The following CEACAM6 variants were observed in gnomAD, a reference collection of about 807,000 sequenced individuals.
CEACAM6 encodes the protein cell adhesion molecule CEACAM6.
In CEACAM6, 21 loss-of-function variants were observed where a neutral mutation model predicts 32.4. The observed-to-expected ratio is 0.65, with a 90% confidence interval of 0.46 to 0.93. CEACAM6 has a LOEUF of 0.93. Ranked by LOEUF, CEACAM6 falls within the 40% of genes least tolerant of loss-of-function variation. The pLI, the probability that CEACAM6 is intolerant of heterozygous loss-of-function variation, is 0.00. For missense variants in CEACAM6, 406 were observed against 432.2 expected, an observed-to-expected ratio of 0.94 and a Z score of 0.54; for synonymous variants, 184 against 174.4, an observed-to-expected ratio of 1.06 and a Z score of -0.43.
chr19:41,757,015 C>A, intron 2 of CEACAM6, 56 bp downstream of exon 2: 1 of 1,556,172 alleles, frequency 6.4e-7, no homozygotes, highest in South Asian at 1.2e-5. Flanking sequence ...TTCCCACATA[C>A]GGGATTGTCA....
chr19:41,770,103 C>G (rs1555822832), intron 5 of CEACAM6, among the ~76,000 whole-genome samples: 1 of 151,540 alleles, frequency 6.6e-6, no homozygotes, highest in African/African-American at 2.4e-5. Context: ...TAAAAACTTC[C>G]TGTAAAACAA....
intron 5 of CEACAM6, among the ~76,000 whole-genome samples, chr19:41,767,023 A>AG (rs1460947915): frequency 2.0e-5 from 3 of 151,470 alleles, no homozygotes; most frequent in Non-Finnish European, 4.4e-5. Context: ...AAAAAAAAAA[A>AG]AAGAAGCCAA....
At chr19:41,761,650 TC>T in intron 3 of CEACAM6, 123 bp downstream of exon 3, 1 of 1,513,430 alleles carries the variant, frequency 6.6e-7, no homozygotes, top group Non-Finnish European at 9.0e-7. Flanking sequence ...GGCCATGACT[TC>T]CTGCCCTGAG....
At position 41,755,659 on chromosome 19, in the gene CEACAM6, T is replaced by G. The variant is rs782527185; in HGVS notation, c.21T>G (p.Pro7=). The change falls in exon 1 of 6, where the codon CCT becomes CCG. Residue 7 remains proline (P), a synonymous_variant. Transcript: ENST00000199764. ...AGACCATGGGACCCCCCTCAGCCCC[T>G]CCCTGCAGATTGCATGTCCCCTGGA... is the stretch of plus-strand genomic sequence containing the variant. MGPPSA[P]PCRLHVPWKE... 2.1e-5 allele frequency: 34 copies of G among 1,608,606 alleles called. 1 individual carries two copies. The South Asian group carries it at 3.8e-4, about 18-fold the overall frequency.
chr19:41,760,982 C>T (rs939493213), intron 2 of CEACAM6, among the ~76,000 whole-genome samples: 1 of 152,226 alleles, frequency 6.6e-6, no homozygotes, highest in Non-Finnish European at 1.5e-5. Context: ...GGGGCTGTGA[C>T]CCCGGGTCCT....
intron 4 of CEACAM6, among the ~76,000 whole-genome samples, chr19:41,762,631 G>A (rs2072933713): frequency 6.6e-6 from 1 of 152,144 alleles, no homozygotes; most frequent in South Asian, 2.1e-4. Context: ...GGACAAGGAG[G>A]TTTTGAAATG....
Position 41,761,989 on chromosome 19 carries a change from A to C in CEACAM6, c.724A>C (p.Ile242Leu). Residue 242 changes from isoleucine to leucine, a missense_variant, in exon 4 of 6, where the codon ATT becomes CTT. Coordinates refer to ENST00000199764, the MANE Select transcript of CEACAM6 (RefSeq NM_002483.7). Reference sequence around the variant, plus strand: ...TCCAGATGGCCCAGATGTCCCCACCATTTCCCCCTCAAAGGCCAATTACCG... The same window carrying C: ...TCCAGATGGCCCAGATGTCCCCACCCTTTCCCCCTCAAAGGCCAATTACCG... The part of the protein sequence containing the change: ...NVLYGPDVPT[I>L]SPSKANYRPG... 6.2e-7 allele frequency: 1 copy of C among 1,613,856 alleles called. No homozygotes were observed. The highest frequency in any genetic ancestry group is 1.1e-5 in the South Asian group (1 of 91,074).
chr19:41,764,685 A>G (rs944586086), intron 4 of CEACAM6, among the ~76,000 whole-genome samples: 3 of 152,062 alleles, frequency 2.0e-5, no homozygotes, highest in Admixed American at 1.3e-4. Flanking sequence ...TGAAGAACCA[A>G]CTTTTGGTTT....
chr19:41,766,442 T>C (rs1314725477), intron 5 of CEACAM6, 143 bp downstream of exon 5: 2 of 470,108 alleles, frequency 4.3e-6, no homozygotes, highest in African/African-American at 2.0e-5. Context: ...TTCCTGCAGG[T>C]CTCTTCTTCC....
Position 41,761,357 on chromosome 19 carries a change from G to C in CEACAM6, c.533G>C (p.Trp178Ser), listed in dbSNP as rs1477828775. The change falls in exon 3 of 6, where the codon TGG becomes TCG. Residue 178 changes from tryptophan to serine, a missense_variant. By Grantham distance (177) the Trp-to-Ser change is radical. Coordinates refer to ENST00000199764, the MANE Select transcript of CEACAM6 (RefSeq NM_002483.7). ...EPEVQNTTYLWWVNGQSLPVS... is the reference protein window; with the variant it reads ...EPEVQNTTYLSWVNGQSLPVS... ...GAGGTTCAGAACACAACCTACCTGT[G>C]GTGGGTAAATGGTCAGAGCCTCCCG... 7 of 1,614,084 alleles carry C rather than the reference G, an allele frequency of 4.3e-6. No individual in the cohort carries two copies. Among genetic ancestry groups the C allele is most frequent in the Non-Finnish European group, 1.7e-6 (2 of 1,180,050 alleles).
intron 5 of CEACAM6, among the ~76,000 whole-genome samples, chr19:41,770,569 A>G (rs944462112): frequency 7.3e-5 from 11 of 149,776 alleles, no homozygotes; most frequent in East Asian, 2.0e-4. Context: ...TCTCAAAAGG[A>G]AAAAAAAAAG....
intron 2 of CEACAM6, among the ~76,000 whole-genome samples, chr19:41,758,338 A>T (rs2122909084): frequency 6.6e-6 from 1 of 152,242 alleles, no homozygotes; most frequent in Non-Finnish European, 1.5e-5. Context: ...CTCGCTCAGG[A>T]GTTCTCTCTT....
intron 5 of CEACAM6, among the ~76,000 whole-genome samples, chr19:41,767,074 CTCTTTACTAATTCT>C (rs1216408789): frequency 2.0e-5 from 3 of 151,118 alleles, no homozygotes; most frequent in African/African-American, 7.3e-5. Flanking sequence ...CAAATTTCTT[CTCTTTACTAATTCT>C]TCTTACTTTC....
intron 4 of CEACAM6, among the ~76,000 whole-genome samples, chr19:41,765,396 G>A (rs1420793335): frequency 6.6e-6 from 1 of 152,182 alleles, no homozygotes; most frequent in Admixed American, 6.5e-5. Flanking sequence ...CTAGGACATG[G>A]TTACTGGCTA....
intron 3 of CEACAM6, 145 bp downstream of exon 3, chr19:41,761,672 C>A (rs1568726241): frequency 2.2e-6 from 3 of 1,388,342 alleles, no homozygotes; most frequent in East Asian, 2.3e-5. Context: ...CAAACCTGGG[C>A]AGACCAGGCC....
At chr19:41,762,253 C>T (rs1388594337) in intron 4 of CEACAM6, 30 bp downstream of exon 4, 1 of 1,599,774 alleles carries the variant, frequency 6.3e-7, no homozygotes, top group Non-Finnish European at 8.5e-7. Context: ...ACTAGCATCA[C>T]ATTTTCAGGT....
chr19:41,766,791 G>A (rs1600500222), intron 5 of CEACAM6, among the ~76,000 whole-genome samples: 1 of 152,050 alleles, frequency 6.6e-6, no homozygotes, highest in African/African-American at 2.4e-5. Flanking sequence ...CGGATCATGA[G>A]GTCAGGAGAT....
chr19:41,768,730 T>C (rs1420237355), intron 5 of CEACAM6, among the ~76,000 whole-genome samples: 1 of 148,032 alleles, frequency 6.8e-6, no homozygotes. Context: ...GGCGGGGGGC[T>C]GACCCCCCCA....
chr19:41,766,961 G>A (rs543170813), intron 5 of CEACAM6, among the ~76,000 whole-genome samples: 12 of 144,868 alleles, frequency 8.3e-5, no homozygotes, highest in African/African-American at 2.0e-4. Flanking sequence ...AGCCGAGATC[G>A]TGCCACTGCA....
Sources: allele counts gnomAD v4.1 joint callset (sites outside exome capture counted in the v4.1 genomes callset), GRCh38; gene constraint gnomAD v4.1.1; transcripts MANE v1.5; gene names NCBI Gene and HGNC (gene_info 2026-07-23, HGNC 2026-07-21).